Variants in LRMDA observed in about 807,000 individuals in gnomAD.
The protein encoded by LRMDA is leucine-rich melanocyte differentiation-associated protein.
A neutral mutation model predicts 29.8 loss-of-function variants in LRMDA; 18 were observed. That is an observed-to-expected ratio of 0.60 (90% CI 0.42 to 0.90). The LOEUF (loss-of-function observed/expected upper bound fraction) is 0.90, where lower values mean the gene tolerates loss of function less well. LRMDA is among the 40% of genes least tolerant of loss of function. The pLI is 0.00. For missense variants in LRMDA, 273 were observed against 273.9 expected (o/e 1.00, Z 0.02); for synonymous variants, 125 against 109.4 (o/e 1.14, Z -0.89).
At chr10:75,833,565 C>T (rs1346787945) in intron 2 of LRMDA, among the ~76,000 whole-genome samples, 1 of 152,166 alleles carries the variant, frequency 6.6e-6, no homozygotes, top group Non-Finnish European at 1.5e-5. Flanking sequence ...TCACATCAAT[C>T]CTACGTGAAG....
intron 2 of LRMDA, among the ~76,000 whole-genome samples, chr10:75,966,692 G>C (rs762472442): frequency 6.6e-6 from 1 of 152,216 alleles, no homozygotes; most frequent in Admixed American, 6.5e-5. Flanking sequence ...AATACTTGTG[G>C]GGCTGAGGGG....
intron 2 of LRMDA, among the ~76,000 whole-genome samples, chr10:75,777,114 C>T (rs1336135447): frequency 6.6e-6 from 1 of 152,092 alleles, no homozygotes; most frequent in African/African-American, 2.4e-5. Context: ...CTGGGGGAGA[C>T]GGAAATGATT....
intron 2 of LRMDA, among the ~76,000 whole-genome samples, chr10:75,531,315 G>A (rs1269028992): frequency 6.6e-6 from 1 of 152,222 alleles, no homozygotes; most frequent in Non-Finnish European, 1.5e-5. Flanking sequence ...AGTTCTGAAG[G>A]ATGAGGCGTT....
At chr10:75,564,340 G>C (rs2132065050) in intron 2 of LRMDA, among the ~76,000 whole-genome samples, 1 of 152,352 alleles carries the variant, frequency 6.6e-6, no homozygotes, top group Middle Eastern at 3.4e-3. Flanking sequence ...TCTGAGCCAG[G>C]TGTGGGATAT....
At chr10:75,855,895 G>A (rs1328703695) in intron 2 of LRMDA, among the ~76,000 whole-genome samples, 3 of 152,086 alleles carry the variant, frequency 2.0e-5, no homozygotes, top group Non-Finnish European at 4.4e-5. Context: ...CATTATTTCT[G>A]AGGGCTCTGT....
intron 2 of LRMDA, among the ~76,000 whole-genome samples, chr10:75,825,645 C>T (rs1426195573): frequency 6.6e-6 from 1 of 152,140 alleles, no homozygotes; most frequent in Non-Finnish European, 1.5e-5. Context: ...ATATCTATTG[C>T]ACATTGAACA....
intron 2 of LRMDA, among the ~76,000 whole-genome samples, chr10:75,971,915 A>G (rs1846979174): frequency 6.6e-6 from 1 of 152,216 alleles, no homozygotes; most frequent in Non-Finnish European, 1.5e-5. Context: ...GGATGTCGTC[A>G]GCCTGTGGAT....
At position 75,722,562 on chromosome 10, in the gene LRMDA, G is replaced by T. The variant is rs559860207; in HGVS notation, c.131+284068G>T. On this transcript the variant is annotated intron_variant, in intron 2 of 6. Transcript: ENST00000611255. Reference sequence around the variant, plus strand: ...AAGTCCAGGGCTAACCTCCGTGAATGGGGTTTCCTTCTGTTGTGTTACCCT... The same window carrying T: ...AAGTCCAGGGCTAACCTCCGTGAATTGGGTTTCCTTCTGTTGTGTTACCCT... Among the ~76,000 whole-genome samples the T allele has an allele frequency of 2.6e-5, 4 of 152,270 alleles. No homozygotes were observed. The South Asian group carries it at 8.3e-4, about 32-fold the overall frequency.
chr10:75,692,208 G>GAA (rs528945539), intron 2 of LRMDA, among the ~76,000 whole-genome samples: 43 of 61,102 alleles, frequency 7.0e-4, no homozygotes, highest in South Asian at 1.3e-3. Flanking sequence ...TCTCTGGGGG[G>GAA]AAAAAAAAAA....
intron 5 of LRMDA, among the ~76,000 whole-genome samples, chr10:76,220,102 G>C (rs914251561): frequency 7.9e-5 from 12 of 152,160 alleles, no homozygotes; most frequent in African/African-American, 2.9e-4. Context: ...AGAATCTCTG[G>C]GAAACATTCA....
At chr10:75,857,028 T>A (rs1014741865) in intron 2 of LRMDA, among the ~76,000 whole-genome samples, 1 of 152,222 alleles carries the variant, frequency 6.6e-6, no homozygotes, top group Admixed American at 6.5e-5. Flanking sequence ...AGCATTCTTA[T>A]ACACCAATAA....
intron 2 of LRMDA, among the ~76,000 whole-genome samples, chr10:75,465,029 C>T (rs1005953609): frequency 1.3e-5 from 2 of 152,170 alleles, no homozygotes; most frequent in African/African-American, 2.4e-5. Flanking sequence ...TTCCTTCTTC[C>T]TTTCAGATTC....
chr10:75,497,135 G>T (rs1427572270), intron 2 of LRMDA, among the ~76,000 whole-genome samples: 1 of 152,082 alleles, frequency 6.6e-6, no homozygotes, highest in Non-Finnish European at 1.5e-5. Context: ...GTGATGAGAT[G>T]ATAAAATCAT....
At chr10:75,518,621 A>G (rs544094880) in intron 2 of LRMDA, among the ~76,000 whole-genome samples, 3 of 152,230 alleles carry the variant, frequency 2.0e-5, no homozygotes, top group South Asian at 2.1e-4. Flanking sequence ...CTAGCAGTCT[A>G]TCAATTTTGT....
At chr10:76,166,449 C>T (rs1369752073) in intron 5 of LRMDA, among the ~76,000 whole-genome samples, 4 of 152,138 alleles carry the variant, frequency 2.6e-5, no homozygotes, top group Non-Finnish European at 5.9e-5. Flanking sequence ...GTTACTTCTC[C>T]TGATCCTCTC....
At chr10:75,736,066 G>A (rs764166691) in intron 2 of LRMDA, among the ~76,000 whole-genome samples, 15 of 152,100 alleles carry the variant, frequency 9.9e-5, no homozygotes, top group African/African-American at 1.9e-4. Context: ...AACTCTCCTC[G>A]TTTAGTAAAT....
chr10:76,426,904 A>G (rs1215072691), intron 6 of LRMDA, among the ~76,000 whole-genome samples: 3 of 152,182 alleles, frequency 2.0e-5, no homozygotes, highest in African/African-American at 7.2e-5. Context: ...GTCAAAGATC[A>G]GAGAGTTGTA....
chr10:76,426,098 A>G (rs953141260), intron 6 of LRMDA, among the ~76,000 whole-genome samples: 2 of 152,192 alleles, frequency 1.3e-5, no homozygotes, highest in African/African-American at 4.8e-5. Flanking sequence ...CATGATTTAT[A>G]TTCCTTTGGG....
chr10:76,207,485 G>C (rs1282924099), intron 5 of LRMDA, among the ~76,000 whole-genome samples: 1 of 152,134 alleles, frequency 6.6e-6, no homozygotes, highest in African/African-American at 2.4e-5. Flanking sequence ...CATTATTACT[G>C]ACTTAAGTAT....
Sources: allele counts gnomAD v4.1 joint callset (sites outside exome capture counted in the v4.1 genomes callset), GRCh38; gene constraint gnomAD v4.1.1; transcripts MANE v1.5; gene names NCBI Gene and HGNC (gene_info 2026-07-23, HGNC 2026-07-21).